EPHA5: variants seen among roughly 807,000 people sequenced by gnomAD.
The protein encoded by EPHA5 is ephrin type-A receptor 5.
Under a neutral mutation model 105.0 loss-of-function variants are expected in EPHA5, and 60 were observed. The observed-to-expected ratio is 0.57, with a 90% CI of 0.46 to 0.71. The LOEUF (loss-of-function observed/expected upper bound fraction) is 0.71. Among genes scored for constraint, EPHA5 ranks in the 30% least tolerant of loss-of-function variants. The pLI, the probability that EPHA5 is intolerant of heterozygous loss-of-function variation, is 0.00. For missense variants in EPHA5, 1,218 were observed against 1,274.7 expected, an observed-to-expected ratio of 0.96 and a Z score of 0.68; for synonymous variants, 513 against 449.1, an observed-to-expected ratio of 1.14 and a Z score of -1.80.
At chr4:65,547,049 C>T (rs1316871808) in intron 3 of EPHA5, among the ~76,000 whole-genome samples, 1 of 151,936 alleles carries the variant, frequency 6.6e-6, no homozygotes, top group Non-Finnish European at 1.5e-5. Flanking sequence ...ATATAGTGTT[C>T]ACCACTGTGA....
intron 2 of EPHA5, among the ~76,000 whole-genome samples, chr4:65,641,708 T>C (rs1747685060): frequency 6.6e-6 from 1 of 152,108 alleles, no homozygotes; most frequent in Non-Finnish European, 1.5e-5. Context: ...CTAAATTAAC[T>C]TCCCTGTCTT....
chr4:65,404,577 G>A (rs923148086), intron 7 of EPHA5, 98 bp from the exon 8 acceptor site: 85 of 983,360 alleles, frequency 8.6e-5, no homozygotes, highest in Middle Eastern at 2.2e-4. Flanking sequence ...CATGATTTAA[G>A]CAATTTACCC....
intron 3 of EPHA5, among the ~76,000 whole-genome samples, chr4:65,540,159 A>G (rs1736679338): frequency 6.6e-6 from 1 of 151,784 alleles, no homozygotes; most frequent in South Asian, 2.1e-4. Flanking sequence ...ACAAACTAGT[A>G]GCAACAATAA....
rs764161303 is a variant in EPHA5 at position 65,603,637 on chromosome 4, TC to T, written c.247-1334del. ...CTCCTCTCGAAATCTAGCTGCAACATCAGACAGACATAAGCAAAAGGTGCTA... is the reference window on the plus strand; with the variant it reads ...CTCCTCTCGAAATCTAGCTGCAACATAGACAGACATAAGCAAAAGGTGCTA... On this transcript the variant is annotated intron_variant, in intron 2 of 16. Coordinates refer to ENST00000613740, the MANE Select transcript of EPHA5 (RefSeq NM_001281766.3). 4.8e-4 allele frequency among the ~76,000 whole-genome samples: 73 copies of T among 152,118 alleles called. 2 individuals are homozygous for T. The highest frequency in any genetic ancestry group is 5.9e-5 in the Non-Finnish European group (4 of 67,982).
At chr4:65,596,485 A>C (rs1381086109) in intron 3 of EPHA5, among the ~76,000 whole-genome samples, 6 of 152,150 alleles carry the variant, frequency 3.9e-5, no homozygotes, top group Non-Finnish European at 7.3e-5. Context: ...ACAAACCAAA[A>C]AAACAAACAA....
chr4:65,481,535 A>G (rs1385363535), intron 5 of EPHA5, among the ~76,000 whole-genome samples: 1 of 152,208 alleles, frequency 6.6e-6, no homozygotes, highest in Non-Finnish European at 1.5e-5. Context: ...TATCAAGTCC[A>G]TACTTTATTT....
intron 11 of EPHA5, among the ~76,000 whole-genome samples, chr4:65,362,296 A>G (rs1041389902): frequency 1.3e-4 from 20 of 151,598 alleles, no homozygotes; most frequent in Admixed American, 5.3e-4. Flanking sequence ...CTTATGTCTC[A>G]TTATCTGTGT....
chr4:65,645,002 G>A (rs1747996991), intron 1 of EPHA5, among the ~76,000 whole-genome samples: 2 of 151,790 alleles, frequency 1.3e-5, no homozygotes, highest in African/African-American at 4.8e-5. Flanking sequence ...TTAATTTGTG[G>A]AACTGTTAAT....
At chr4:65,574,679 C>CATATATATACATATATATACAT (rs1740661498) in intron 3 of EPHA5, among the ~76,000 whole-genome samples, 2 of 61,098 alleles carry the variant, frequency 3.3e-5, no homozygotes, top group Middle Eastern at 0.015. Context: ...CATATATATA[C>CATATATATACATATATATACAT]ATATATATAC....
chr4:65,489,238 T>C (rs1438863460), intron 5 of EPHA5, among the ~76,000 whole-genome samples: 1 of 152,146 alleles, frequency 6.6e-6, no homozygotes, highest in Non-Finnish European at 1.5e-5. Context: ...AACCACTTGA[T>C]TTACCTGAGG....
chr4:65,643,482 A>G, intron 1 of EPHA5, 55 bp from the exon 2 acceptor site: 1 of 1,391,214 alleles, frequency 7.2e-7, no homozygotes, highest in African/African-American at 1.4e-5. Flanking sequence ...TGAATATTGT[A>G]TCTCTATTTT....
chr4:65,666,098 CT>C (rs200873560), intron 1 of EPHA5, among the ~76,000 whole-genome samples: 144 of 151,754 alleles, frequency 9.5e-4, no homozygotes, highest in Middle Eastern at 3.4e-3. Context: ...CTAAAACAAA[CT>C]TTTTTTTTCC....
chr4:65,387,799 AT>A (rs971449741), intron 8 of EPHA5, among the ~76,000 whole-genome samples: 21 of 151,502 alleles, frequency 1.4e-4, no homozygotes, highest in Middle Eastern at 3.4e-3. Flanking sequence ...ATCTAAATTC[AT>A]TTTTTTTGTA....
chr4:65,444,762 T>C (rs1229242224), intron 5 of EPHA5, among the ~76,000 whole-genome samples: 1 of 152,124 alleles, frequency 6.6e-6, no homozygotes, highest in Non-Finnish European at 1.5e-5. Flanking sequence ...CATCACTATT[T>C]ATTGAAAAAT....
intron 3 of EPHA5, among the ~76,000 whole-genome samples, chr4:65,576,272 C>A (rs1741045036): frequency 6.6e-6 from 1 of 151,946 alleles, no homozygotes; most frequent in Non-Finnish European, 1.5e-5. Flanking sequence ...TAGAAACATG[C>A]CCAGTATGGA....
At chr4:65,407,632 C>T (rs17086199) in intron 7 of EPHA5, among the ~76,000 whole-genome samples, 23,772 of 151,040 alleles carry the variant, frequency 0.16, 2,242 homozygotes, top group East Asian at 0.29. Context: ...CAATCAGAGC[C>T]TATTTTGTGA....
intron 14 of EPHA5, among the ~76,000 whole-genome samples, chr4:65,341,158 G>C (rs1482724830): frequency 6.6e-6 from 1 of 151,982 alleles, no homozygotes; most frequent in African/African-American, 2.4e-5. Flanking sequence ...TTAGCCTATG[G>C]ATTATGTCAG....
At chr4:65,648,173 T>G (rs1748291762) in intron 1 of EPHA5, among the ~76,000 whole-genome samples, 1 of 152,182 alleles carries the variant, frequency 6.6e-6, no homozygotes, top group Non-Finnish European at 1.5e-5. Flanking sequence ...ATAAGAAGAT[T>G]CCTAAATCCT....
At chr4:65,489,371 C>A (rs953902431) in intron 5 of EPHA5, among the ~76,000 whole-genome samples, 1 of 152,298 alleles carries the variant, frequency 6.6e-6, no homozygotes, top group African/African-American at 2.4e-5. Context: ...AGCCTGATTT[C>A]ATTCAGTCAA....
Sources: gnomAD v4.1 joint callset for allele counts (sites outside exome capture counted in the v4.1 genomes callset) on GRCh38, gnomAD v4.1.1 for gene constraint, MANE v1.5 for transcripts, NCBI Gene and HGNC (gene_info 2026-07-23, HGNC 2026-07-21) for gene names.